AHRR: variants seen among roughly 807,000 people sequenced by gnomAD.
AHRR encodes the protein ahR repressor.
In AHRR, 28 loss-of-function variants were observed where a neutral mutation model predicts 44.0. The observed-to-expected ratio is 0.64, with a 90% confidence interval of 0.47 to 0.87. AHRR has a LOEUF of 0.87. Among genes scored for constraint, AHRR ranks in the 40% least tolerant of loss-of-function variants. The pLI, the probability that AHRR is intolerant of heterozygous loss-of-function variation, is 0.00. For missense variants in AHRR, 990 were observed against 953.9 expected, an observed-to-expected ratio of 1.04 and a Z score of -0.50; for synonymous variants, 434 against 407.0, an observed-to-expected ratio of 1.07 and a Z score of -0.80.
chr5:331,284 T>C (rs1006328654), intron 1 of AHRR, among the ~76,000 whole-genome samples: 1 of 152,198 alleles, frequency 6.6e-6, no homozygotes, highest in South Asian at 2.1e-4. Context: ...CTTGGGAGAT[T>C]GTATGTTTCC....
chr5:349,583 A>T lies in AHRR; in HGVS notation c.63-4147A>T, dbSNP rs1742793315. Among the ~76,000 whole-genome samples the T allele has an allele frequency of 3.3e-5, 5 of 151,722 alleles. No individual in the cohort carries two copies. In the South Asian group the frequency reaches 1.0e-3, roughly 31 times the overall value. On this transcript the variant is annotated intron_variant, in intron 2 of 10. Transcript: ENST00000684583. The stretch of plus-strand genomic sequence containing the variant: ...TGACAGAGTGAGACTCCGTCTCAAA[A>T]AAAAAAAAAAGAAGAAAGAAAATTT...
intron 5 of AHRR, chr5:420,915 C>G: frequency 5.8e-6 from 1 of 173,856 alleles, no homozygotes; most frequent in South Asian, 5.0e-5. Flanking sequence ...CGCACGCATC[C>G]AGGCACGCAC....
At chr5:425,795 T>C (rs1736362118) in intron 7 of AHRR, among the ~76,000 whole-genome samples, 1 of 152,212 alleles carries the variant, frequency 6.6e-6, no homozygotes, top group Non-Finnish European at 1.5e-5. Context: ...CGTGTCTGAT[T>C]CTGTTTTCCC....
At chr5:328,039 T>C (rs2126319886) in intron 1 of AHRR, among the ~76,000 whole-genome samples, 1 of 152,026 alleles carries the variant, frequency 6.6e-6, no homozygotes, top group African/African-American at 2.4e-5. Flanking sequence ...GCGGTGTTTG[T>C]TTTTTTGTCC....
intron 8 of AHRR, among the ~76,000 whole-genome samples, chr5:429,673 G>A (rs1028623893): frequency 7.9e-5 from 12 of 152,376 alleles, no homozygotes; most frequent in African/African-American, 2.6e-4. Flanking sequence ...CGCTTTGTTC[G>A]TGGCCTCCCC....
chr5:389,848 A>G (rs1400914545), intron 4 of AHRR, among the ~76,000 whole-genome samples: 2 of 145,818 alleles, frequency 1.4e-5, no homozygotes, highest in African/African-American at 5.1e-5. Flanking sequence ...GACGAGCTGG[A>G]GGGAACAGAG....
chr5:415,477 G>C (rs865972811), intron 5 of AHRR, among the ~76,000 whole-genome samples: 105 of 34,690 alleles, frequency 3.0e-3, no homozygotes, highest in African/African-American at 4.3e-3. Context: ...GCCTGGTCGG[G>C]TGGGAGGCCT....
Position 338,088 on chromosome 5 carries a change from T to G in AHRR, c.-10-5805T>G, listed in dbSNP as rs1742205178. 6.6e-6 allele frequency among the ~76,000 whole-genome samples: 1 copy of G among 152,194 alleles called. No individual in the cohort carries two copies. The highest frequency in any genetic ancestry group is 2.4e-5 in the African/African-American group (1 of 41,442). ...TGTCACCTCACTTTGCGAATACATG[T>G]CTCCCCTCCCGGGTCTGTGTAGCCG... On this transcript the variant is annotated intron_variant, in intron 1 of 10. Coordinates refer to ENST00000684583, the MANE Select transcript of AHRR (RefSeq NM_001377236.1). This position sits in a 1 kb window ranked among gnomAD's most constrained non-coding sequence, Gnocchi z 4.1.
At chr5:348,972 G>C (rs1385549079) in intron 2 of AHRR, among the ~76,000 whole-genome samples, 3 of 152,348 alleles carry the variant, frequency 2.0e-5, no homozygotes, top group East Asian at 3.9e-4. Flanking sequence ...ATCCCCGCCG[G>C]TGCGTGGTGT....
chr5:429,676 G>A (rs1736637563), intron 8 of AHRR, among the ~76,000 whole-genome samples: 2 of 152,254 alleles, frequency 1.3e-5, no homozygotes, highest in Non-Finnish European at 2.9e-5. Flanking sequence ...TTTGTTCGTG[G>A]CCTCCCCACT....
In AHRR at chr5:367,665, G is replaced by C. The variant is rs533498228; in HGVS notation, c.245-8945G>C. ...CTGGGTCTCTTGTCTTCACCCCTCA[G>C]GAGGCCTTCCCCAGCCTCACTTTTA... On this transcript the variant is annotated intron_variant, in intron 3 of 10. Transcript: ENST00000684583. The C allele has an allele frequency of 2.3e-4, 140 of 596,676 alleles. No individual in the cohort carries two copies. The South Asian group carries it at 2.6e-3, about 11-fold the overall frequency. The allele number at this position is 596,676 out of a possible 1,614,324, so 37.0% of individuals were successfully genotyped here.
At chr5:377,832 G>A (rs549300526) in intron 4 of AHRR, among the ~76,000 whole-genome samples, 8 of 152,340 alleles carry the variant, frequency 5.3e-5, no homozygotes, top group Admixed American at 2.0e-4. Flanking sequence ...GGATATTTTG[G>A]AGCTACCTTC....
Position 432,935 on chromosome 5 carries a change from A to G in AHRR, c.1100A>G (p.Lys367Arg). Reference protein sequence around the residue: ...RGGPDLVLDPKGGSGDREEEQ... With the variant: ...RGGPDLVLDPRGGSGDREEEQ... Reference sequence around the variant, plus strand: ...GGCCCTGACCTTGTCCTTGACCCCAAGGGGGGCTCAGGGTAAGTGGTGCCA... The same window carrying G: ...GGCCCTGACCTTGTCCTTGACCCCAGGGGGGGCTCAGGGTAAGTGGTGCCA... Residue 367 changes from lysine (K) to arginine (R), a missense_variant, in exon 10 of 11, where the codon AAG becomes AGG. Coordinates refer to ENST00000684583, the MANE Select transcript of AHRR (RefSeq NM_001377236.1). The G allele has an allele frequency of 6.2e-7, 1 of 1,605,204 alleles. No individual in the cohort carries two copies. The highest frequency in any genetic ancestry group is 1.1e-5 in the South Asian group (1 of 89,958).
chr5:433,089 C>G (rs975738932), intron 10 of AHRR, 142 bp downstream of exon 10: 2 of 1,086,054 alleles, frequency 1.8e-6, no homozygotes, highest in Non-Finnish European at 1.3e-6. Flanking sequence ...CACAGCTAAC[C>G]TTACTCTCTG....
chr5:386,978 C>T (rs901165635), intron 4 of AHRR, among the ~76,000 whole-genome samples: 4 of 152,234 alleles, frequency 2.6e-5, no homozygotes, highest in Non-Finnish European at 5.9e-5. Flanking sequence ...TAGTCACAGG[C>T]AGCCCAGTAG....
intron 1 of AHRR, among the ~76,000 whole-genome samples, chr5:343,258 G>A (rs891878109): frequency 2.0e-5 from 3 of 148,232 alleles, no homozygotes; most frequent in African/African-American, 7.3e-5. Flanking sequence ...CGGGGTGACA[G>A]GAACACGGGA....
chr5:421,316 C>G, intron 5 of AHRR: 1 of 696,742 alleles, frequency 1.4e-6, no homozygotes, highest in Non-Finnish European at 2.6e-6. Context: ...CCCCCACGGT[C>G]GCGATGCGGG....
At chr5:420,464 G>A (rs1054785130) in intron 5 of AHRR, among the ~76,000 whole-genome samples, 1 of 152,220 alleles carries the variant, frequency 6.6e-6, no homozygotes, top group Non-Finnish European at 1.5e-5. Flanking sequence ...CTTTGCAGTT[G>A]AACGGAGGTG....
In AHRR at chr5:347,290, G is replaced by T. The variant is rs149416561; in HGVS notation, c.62+3326G>T. The stretch of plus-strand genomic sequence containing the variant: ...AACTAGGGAAATTAATTTTTGAATG[G>T]GTTTCAAATACTTTACCCCAGTTTT... On this transcript the variant is annotated intron_variant, in intron 2 of 10. Coordinates refer to ENST00000684583, the MANE Select transcript of AHRR (RefSeq NM_001377236.1). Among the ~76,000 whole-genome samples, 1,014 of 152,144 alleles carry T rather than the reference G, an allele frequency of 6.7e-3. 9 individuals are homozygous for T. The highest frequency in any genetic ancestry group is 0.019 in the African/African-American group (807 of 41,480).
Sources: gnomAD v4.1 joint callset for allele counts (sites outside exome capture counted in the v4.1 genomes callset) on GRCh38, gnomAD v4.1.1 for gene constraint, Gnocchi (gnomAD v3.1) non-coding constraint, MANE v1.5 for transcripts, NCBI Gene and HGNC (gene_info 2026-07-23, HGNC 2026-07-21) for gene names.